The following PCDH11Y variants were observed in gnomAD, a reference collection of about 807,000 sequenced individuals.
The protein encoded by PCDH11Y is protocadherin-11 Y-linked.
For missense variants in PCDH11Y, 12 were observed against 224.8 expected (o/e 0.05, Z 6.05); for synonymous variants, 9 against 83.6 (o/e 0.11, Z 4.87).
chrY:5,330,289 G>A (rs2053129479), intron 2 of PCDH11Y, among the ~76,000 whole-genome samples: 209 of 32,885 alleles, frequency 6.4e-3, no homozygotes, highest in Non-Finnish European at 3.0e-4. Context: ...CACTTCTTTT[G>A]TGGTGGAATG....
intron 2 of PCDH11Y, among the ~76,000 whole-genome samples, chrY:5,438,312 GA>G (rs2053277142): frequency 3.4e-5 from 1 of 29,408 alleles, no homozygotes; most frequent in East Asian, 9.1e-4. Flanking sequence ...GTACAGTTAG[GA>G]TTTTGACAAG....
intron 3 of PCDH11Y, chrY:5,573,391 T>C: frequency 3.4e-6 from 1 of 289,924 alleles, no homozygotes; most frequent in Admixed American, 7.6e-5. Context: ...AAGAAGACCA[T>C]GCAAAGCCTG....
intron 4 of PCDH11Y, among the ~76,000 whole-genome samples, chrY:5,693,886 A>G (rs2053569841): frequency 6.0e-5 from 2 of 33,188 alleles, no homozygotes; most frequent in East Asian, 1.5e-3. Flanking sequence ...GCATGAAGTG[A>G]TTAGACTTAC....
At chrY:5,597,348 T>TAC (rs2053468362) in intron 4 of PCDH11Y, among the ~76,000 whole-genome samples, 8 of 28,465 alleles carry the variant, frequency 2.8e-4, no homozygotes, top group African/African-American at 6.8e-4. Context: ...CGTATATATA[T>TAC]GTGTGTATAT....
chrY:5,397,236 A>G, intron 2 of PCDH11Y, among the ~76,000 whole-genome samples: 3 of 33,192 alleles, frequency 9.0e-5, no homozygotes, highest in Non-Finnish European at 2.2e-4. Flanking sequence ...TTCTTTTATT[A>G]CATTCATTCC....
At chrY:5,709,559 C>A (rs2053585192) in intron 4 of PCDH11Y, among the ~76,000 whole-genome samples, 1 of 31,685 alleles carries the variant, frequency 3.2e-5, no homozygotes. Flanking sequence ...ACCCACAGGG[C>A]TTGGGCCTAA....
intron 2 of PCDH11Y, among the ~76,000 whole-genome samples, chrY:5,407,880 C>G: frequency 4.3e-5 from 1 of 23,028 alleles, no homozygotes; most frequent in Non-Finnish European, 9.4e-5. Flanking sequence ...CGCCACTGCG[C>G]TCCAGCCTGG....
intron 2 of PCDH11Y, among the ~76,000 whole-genome samples, chrY:5,417,759 C>A (rs376814755): frequency 6.2e-5 from 2 of 32,402 alleles, no homozygotes; most frequent in Non-Finnish European, 1.5e-4. Context: ...TCCTAGAGAA[C>A]CTCCAATGGA....
intron 2 of PCDH11Y, among the ~76,000 whole-genome samples, chrY:5,462,221 C>G: frequency 3.1e-5 from 1 of 32,685 alleles, no homozygotes; most frequent in Non-Finnish European, 7.5e-5. Flanking sequence ...TGGCATTTTT[C>G]TGTTCCTTTA....
At chrY:5,035,803 A>T in intron 3 of PCDH11Y, among the ~76,000 whole-genome samples, 1 of 32,506 alleles carries the variant, frequency 3.1e-5, no homozygotes, top group Non-Finnish European at 7.6e-5. Context: ...AAATTTTGAA[A>T]AAAAAATTTT....
At chrY:5,545,207 C>T in intron 3 of PCDH11Y, among the ~76,000 whole-genome samples, 1 of 31,696 alleles carries the variant, frequency 3.2e-5, no homozygotes, top group Non-Finnish European at 7.8e-5. Context: ...ACCATTTTAT[C>T]GTAGTTAATG....
At chrY:5,450,138 A>G (rs2053291918) in intron 2 of PCDH11Y, among the ~76,000 whole-genome samples, 1 of 33,158 alleles carries the variant, frequency 3.0e-5, no homozygotes, top group African/African-American at 1.2e-4. Flanking sequence ...TTTGTAGATG[A>G]CACCTACCAC....
chrY:5,109,351 T>G, downstream of PCDH11Y, among the ~76,000 whole-genome samples: 3 of 33,786 alleles, frequency 8.9e-5, no homozygotes, highest in African/African-American at 3.4e-4. Flanking sequence ...TGTAGAAAAA[T>G]CTAGAAAATT....
chrY:5,570,166 A>G (rs1602944588), intron 3 of PCDH11Y, among the ~76,000 whole-genome samples: 15 of 33,187 alleles, frequency 4.5e-4, no homozygotes, highest in African/African-American at 1.8e-3. Flanking sequence ...CTGATAAAAT[A>G]AGTTCCTCAT....
chrY:5,648,334 T>G, intron 4 of PCDH11Y, among the ~76,000 whole-genome samples: 1 of 33,273 alleles, frequency 3.0e-5, no homozygotes, highest in South Asian at 6.7e-4. Context: ...TGAAAAAATT[T>G]TCTGGAGAAA....
At chrY:5,329,164 A>T in intron 2 of PCDH11Y, among the ~76,000 whole-genome samples, 1 of 32,451 alleles carries the variant, frequency 3.1e-5, no homozygotes, top group Non-Finnish European at 7.5e-5. Context: ...AGGTCAGGTG[A>T]GAATTGAAGA....
intron 1 of PCDH11Y, among the ~76,000 whole-genome samples, chrY:5,071,042 C>G: frequency 3.1e-5 from 1 of 32,333 alleles, no homozygotes; most frequent in Non-Finnish European, 7.6e-5. Context: ...TACCAGTCTA[C>G]TATCATTGAT....
chrY:5,243,271 A>C, intron 2 of PCDH11Y, among the ~76,000 whole-genome samples: 1 of 34,334 alleles, frequency 2.9e-5, no homozygotes, highest in African/African-American at 1.1e-4. Context: ...GTGATCTAAT[A>C]ATTATTTGTA....
At chrY:5,442,262 A>T in intron 2 of PCDH11Y, among the ~76,000 whole-genome samples, 1 of 33,006 alleles carries the variant, frequency 3.0e-5, no homozygotes, top group South Asian at 6.8e-4. Flanking sequence ...ATACTTAAGA[A>T]ATAGAACATA....
Sources: allele counts gnomAD v4.1 joint callset (sites outside exome capture counted in the v4.1 genomes callset), GRCh38; gene constraint gnomAD v4.1.1; transcripts MANE v1.5; gene names NCBI Gene and HGNC (gene_info 2026-07-23, HGNC 2026-07-21).